The following PCDHA5 variants were observed in gnomAD, a reference collection of about 807,000 sequenced individuals.
PCDHA5 encodes the protein protocadherin alpha-5.
A neutral mutation model predicts 61.6 loss-of-function variants in PCDHA5; 43 were observed. That is an observed-to-expected ratio of 0.70 (90% CI 0.55 to 0.90). PCDHA5 has a LOEUF of 0.90. Ranked by LOEUF, PCDHA5 falls within the 40% of genes least tolerant of loss-of-function variation. PCDHA5 has a pLI of 0.00. For missense variants in PCDHA5, 1,298 were observed against 1,222.7 expected, an observed-to-expected ratio of 1.06 and a Z score of -0.92; for synonymous variants, 627 against 543.9, an observed-to-expected ratio of 1.15 and a Z score of -2.13.
At chr5:140,935,894 CTTT>C (rs55841305) in intron 1 of PCDHA5, among the ~76,000 whole-genome samples, 2 of 136,728 alleles carry the variant, frequency 1.5e-5, no homozygotes, top group African/African-American at 2.7e-5. Context: ...TCAATATTAT[CTTT>C]TTTTTTTTTT....
Position 140,841,426 on chromosome 5 carries a change from C to A in PCDHA5, c.2352+17299C>A, listed in dbSNP as rs17844313. 720 of 1,612,904 alleles carry A rather than the reference C, an allele frequency of 4.5e-4. 14 individuals are homozygous for A. The East Asian group carries it at 5.0e-3, about 11-fold the overall frequency. ...GGAGCGGCCAGCTCCACTACTCCGT[C>A]CCCGAGGAGGCCAAACACGGCACCT... On this transcript the variant is annotated intron_variant, in intron 1 of 3. Coordinates refer to ENST00000529859, the MANE Select transcript of PCDHA5 (RefSeq NM_018908.3).
rs2150113640 is a variant in PCDHA5 at position 140,822,097 on chromosome 5, A to G, written c.322A>G (p.Ile108Val). 6.2e-7 allele frequency: 1 copy of G among 1,614,242 alleles called. No individual in the cohort carries two copies. Among genetic ancestry groups the G allele is most frequent in the Non-Finnish European group, 8.5e-7 (1 of 1,180,042 alleles). Residue 108 changes from isoleucine to valine, a missense_variant, in exon 1 of 4, where the codon ATC becomes GTC. By Grantham distance (29) the Ile-to-Val change is conservative. Transcript: ENST00000529859. Reference sequence around the variant, plus strand: ...GGAGTGCAGCATCCACCTGGAGGTGATCGTGGACAGGCCGCTGCAGGTTTT... The same window carrying G: ...GGAGTGCAGCATCCACCTGGAGGTGGTCGTGGACAGGCCGCTGCAGGTTTT... ...RAECSIHLEV[I>V]VDRPLQVFHV... is the part of the protein sequence containing the mutation.
At chr5:140,880,643 A>G (rs937655917) in intron 1 of PCDHA5, among the ~76,000 whole-genome samples, 1 of 152,198 alleles carries the variant, frequency 6.6e-6, no homozygotes, top group African/African-American at 2.4e-5. Context: ...TTCACTTGAG[A>G]GCCCAACTGA....
intron 1 of PCDHA5, among the ~76,000 whole-genome samples, chr5:140,892,451 C>A (rs782296222): frequency 1.2e-4 from 19 of 152,128 alleles, no homozygotes; most frequent in Non-Finnish European, 2.5e-4. Flanking sequence ...TACATGTATT[C>A]TTTAAGTACG....
Position 140,848,347 on chromosome 5 carries a change from C to T in PCDHA5, c.2352+24220C>T. On this transcript the variant is annotated intron_variant, in intron 1 of 3. Coordinates refer to ENST00000529859, the MANE Select transcript of PCDHA5 (RefSeq NM_018908.3). ...CTCTCTGAATCCAGACAAATACAGC[C>T]CTTTTCCCATGGGAAAGAGGCTCAA... The T allele has an allele frequency of 5.3e-6, 5 of 935,472 alleles. 1 individual carries two copies. The highest frequency in any genetic ancestry group is 8.2e-6 in the Non-Finnish European group (5 of 611,314). 57.9% of individuals were successfully genotyped at this position (935,472 alleles called of 1,614,324 possible). A position where few individuals can be genotyped will look rare whatever the true frequency, so the allele number is the denominator to read the frequency against.
At chr5:140,894,140 C>T (rs1004427236) in intron 1 of PCDHA5, among the ~76,000 whole-genome samples, 2 of 151,956 alleles carry the variant, frequency 1.3e-5, no homozygotes, top group Admixed American at 6.6e-5. Context: ...GAAATAATTC[C>T]CTTCTATGTA....
Position 140,914,027 on chromosome 5 carries a change from T to G in PCDHA5, c.2353-64922T>G, listed in dbSNP as rs188298966. Among the ~76,000 whole-genome samples the G allele has an allele frequency of 8.0e-3, 1,214 of 152,300 alleles. 6 individuals carry two copies. Among genetic ancestry groups the G allele is most frequent in the African/African-American group, 0.019 (784 of 41,574 alleles). On this transcript the variant is annotated intron_variant, in intron 1 of 3. Coordinates refer to ENST00000529859, the MANE Select transcript of PCDHA5 (RefSeq NM_018908.3). ...CTATCTTTGAGAATGATCCACGTGCTGAGAAGAATGTGTATTCTGCAGCTG... is the reference window on the plus strand; with the variant it reads ...CTATCTTTGAGAATGATCCACGTGCGGAGAAGAATGTGTATTCTGCAGCTG...
At chr5:140,978,473 T>C (rs1401475037) in intron 1 of PCDHA5, among the ~76,000 whole-genome samples, 1 of 152,238 alleles carries the variant, frequency 6.6e-6, no homozygotes, top group Non-Finnish European at 1.5e-5. Flanking sequence ...TCAAATATGC[T>C]GCAGTCTGCA....
intron 1 of PCDHA5, among the ~76,000 whole-genome samples, chr5:140,855,480 A>G (rs567213059): frequency 6.7e-6 from 1 of 149,976 alleles, no homozygotes; most frequent in South Asian, 2.1e-4. Context: ...GATGCTTGAC[A>G]TTAGTGTCTA....
intron 1 of PCDHA5, chr5:140,834,227 A>G: frequency 1.4e-6 from 1 of 708,706 alleles, no homozygotes; most frequent in Non-Finnish European, 2.3e-6. Context: ...AGCAAAAGGA[A>G]GTCATTCCTT....
intron 3 of PCDHA5, among the ~76,000 whole-genome samples, chr5:140,992,017 CTG>C (rs10602499): frequency 0.14 from 19,772 of 145,244 alleles, 1,405 homozygotes; most frequent in African/African-American, 0.18. Flanking sequence ...AGAGGTGGCT[CTG>C]TGTGTGTGTG....
rs146702581 is a variant in PCDHA5 at position 140,929,720 on chromosome 5, C to T, written c.2353-49229C>T. ...TATGAATATAATATGGAAGGTGAAA[C>T]ATTTACTTAAACTATTGCAATGCAT... On this transcript the variant is annotated intron_variant, in intron 1 of 3. Coordinates refer to ENST00000529859, the MANE Select transcript of PCDHA5 (RefSeq NM_018908.3). The T allele has an allele frequency of 2.8e-3, 635 of 224,158 alleles. 4 individuals are homozygous for T. The highest frequency in any genetic ancestry group is 6.2e-3 in the African/African-American group (270 of 43,802). 13.9% of individuals were successfully genotyped at this position (224,158 alleles called of 1,614,324 possible).
intron 1 of PCDHA5, among the ~76,000 whole-genome samples, chr5:140,975,707 A>C (rs1445809800): frequency 6.6e-6 from 1 of 152,204 alleles, no homozygotes; most frequent in African/African-American, 2.4e-5. Context: ...ATTTTACTTT[A>C]AATCTTAGAA....
chr5:140,908,547 A>G (rs2074022083), intron 1 of PCDHA5, among the ~76,000 whole-genome samples: 1 of 152,152 alleles, frequency 6.6e-6, no homozygotes, highest in Non-Finnish European at 1.5e-5. Context: ...AAAGCCCAGT[A>G]ATAGGCCAAG....
At position 140,823,606 on chromosome 5, in the gene PCDHA5, C is replaced by A; in HGVS notation, c.1831C>A (p.Gln611Lys). ...GYNAWLSYEL[Q>K]PAPGSARIPF... ...CAACGCTTGGCTTTCGTATGAGCTGCAGCCAGCGCCTGGCAGTGCGCGCAT... is the reference window on the plus strand; with the variant it reads ...CAACGCTTGGCTTTCGTATGAGCTGAAGCCAGCGCCTGGCAGTGCGCGCAT... Residue 611 changes from glutamine to lysine, a missense_variant, in exon 1 of 4, where the codon CAG (glutamine) becomes AAG (lysine). Physicochemically the swap from Gln to Lys is moderately conservative, Grantham distance 53. Coordinates refer to ENST00000529859, the MANE Select transcript of PCDHA5 (RefSeq NM_018908.3). 6.2e-7 allele frequency: 1 copy of A among 1,614,048 alleles called. No homozygotes were observed. Among genetic ancestry groups the A allele is most frequent in the Non-Finnish European group, 8.5e-7 (1 of 1,179,956 alleles).
rs1013042375 is a variant in PCDHA5 at position 140,823,776 on chromosome 5, G to C, written c.2001G>C (p.Ser667=). The C allele has an allele frequency of 3.1e-6, 5 of 1,613,732 alleles. No homozygotes were observed. The African/African-American group carries it at 6.7e-5, about 22-fold the overall frequency. ...CAGCCACAGCCACAGTGCTGGTGTC[G>C]CTGGTGGAAAGTGGCCAGGCGCCGA... ...PLTATATVLV[S]LVESGQAPKA... Residue 667 remains serine, a synonymous_variant, in exon 1 of 4, where the codon TCG becomes TCC. Coordinates refer to ENST00000529859, the MANE Select transcript of PCDHA5 (RefSeq NM_018908.3).
intron 1 of PCDHA5, among the ~76,000 whole-genome samples, chr5:140,892,931 G>A (rs77081198): frequency 0.011 from 1,609 of 152,196 alleles, 17 homozygotes; most frequent in African/African-American, 0.028. Flanking sequence ...CCCAGCCTCT[G>A]ATAAGCACAA....
intron 1 of PCDHA5, chr5:140,851,186 T>C (rs2041985954): frequency 8.1e-7 from 1 of 1,234,476 alleles, no homozygotes; most frequent in Non-Finnish European, 1.0e-6. Context: ...TGAAAACCAA[T>C]TTAGTTGTTA....
At chr5:140,843,473 T>A (rs2150360834) in intron 1 of PCDHA5, 2 of 1,595,974 alleles carry the variant, frequency 1.3e-6, no homozygotes, top group Non-Finnish European at 1.7e-6. Flanking sequence ...GCTGCTGCTG[T>A]ACACTGCGCT....
Sources: gnomAD v4.1 joint callset for allele counts (sites outside exome capture counted in the v4.1 genomes callset) on GRCh38, gnomAD v4.1.1 for gene constraint, MANE v1.5 for transcripts, NCBI Gene and HGNC (gene_info 2026-07-23, HGNC 2026-07-21) for gene names.